Variants in RUSC2 observed in about 807,000 individuals in gnomAD.
The protein encoded by RUSC2 is RUN and SH3 domain containing 2.
In RUSC2, 34 loss-of-function variants were observed where a neutral mutation model predicts 122.2. That is an observed-to-expected ratio of 0.28 (90% CI 0.21 to 0.37). The LOEUF (loss-of-function observed/expected upper bound fraction) is 0.37, where lower values mean the gene tolerates loss of function less well. RUSC2 is among the 10% of genes least tolerant of loss of function. RUSC2 has a pLI of 1.00. For missense variants in RUSC2, 1,747 were observed against 1,952.4 expected (o/e 0.89, Z 1.98); for synonymous variants, 784 against 790.0 (o/e 0.99, Z 0.13).
rs922433418 is a variant in RUSC2 at position 35,547,657 on chromosome 9, T to G, written c.1136T>G (p.Leu379Arg). The G allele has an allele frequency of 6.2e-7, 1 of 1,614,054 alleles. No homozygotes were observed. The highest frequency in any genetic ancestry group is 8.5e-7 in the Non-Finnish European group (1 of 1,180,038). The change falls in exon 2 of 12, where the codon CTC becomes CGC. Residue 379 changes from leucine to arginine, a missense_variant. Coordinates refer to ENST00000361226, the MANE Select transcript of RUSC2 (RefSeq NM_014806.5). This position sits in a 1 kb window ranked among gnomAD's most constrained non-coding sequence, Gnocchi z 4.6. ...HCEPCPAVAD[L>R]TACFQSQARL... is the part of the protein sequence containing the mutation. ...GAGCCGTGCCCAGCAGTGGCTGACC[T>G]CACAGCCTGCTTCCAAAGCCAGGCC...
intron 1 of RUSC2, among the ~76,000 whole-genome samples, chr9:35,499,281 TCAAAAA>T (rs1343683116): frequency 5.3e-5 from 8 of 151,842 alleles, no homozygotes; most frequent in African/African-American, 1.2e-4. Context: ...AGTGAAACTC[TCAAAAA>T]CAAAAACAAA....
chr9:35,521,134 A>C (rs377543697), intron 1 of RUSC2, among the ~76,000 whole-genome samples: 4 of 152,160 alleles, frequency 2.6e-5, no homozygotes, highest in East Asian at 1.9e-4. Context: ...CATTTTTTTT[A>C]ACACACTGCA....
rs143012463 is a variant in RUSC2, at chr9:35,560,148, C to A, written c.3508C>A (p.Leu1170Ile). ...LQPLALLPFSLDLLFQHRLLQ... is the reference protein window; with the variant it reads ...LQPLALLPFSIDLLFQHRLLQ... ...GCCCCTGGCCCTGCTGCCCTTCAGC[C>A]TCGACTTGCTGTTCCAGCACCGGCT... The change falls in exon 10 of 12, where the codon CTC (leucine) becomes ATC (isoleucine). Residue 1170 changes from leucine to isoleucine, a missense_variant. Leu to Ile is a conservative substitution (Grantham distance 5). Transcript: ENST00000361226. 45 of 1,609,464 alleles carry A rather than the reference C, an allele frequency of 2.8e-5. No individual in the cohort carries two copies. The African/African-American group carries it at 5.9e-4, about 21-fold the overall frequency.
Position 35,560,744 on chromosome 9 carries a change from G to A in RUSC2, c.4104G>A (p.Ser1368=), listed in dbSNP as rs796830914. 20 of 1,540,140 alleles carry A rather than the reference G, an allele frequency of 1.3e-5. No homozygotes were observed. The highest frequency in any genetic ancestry group is 3.5e-4 in the Middle Eastern group (2 of 5,740). ...GGGAGAGGGAAGGGCCCGCTGCCTC[G>A]CCAGCAGAAAATGAGGAAGGGGCCT... The part of the protein sequence containing the change: ...RSREREGPAA[S]PAENEEGASE... The change falls in exon 10 of 12, where the codon TCG becomes TCA. Residue 1368 remains serine (S), a synonymous_variant. Transcript: ENST00000361226.
chr9:35,544,625 T>G (rs1469612507), intron 1 of RUSC2, among the ~76,000 whole-genome samples: 2 of 152,142 alleles, frequency 1.3e-5, no homozygotes, highest in Non-Finnish European at 2.9e-5. Context: ...TTTTTATTGT[T>G]GAGTTGTAAG....
At chr9:35,516,562 T>C (rs1233601990) in intron 1 of RUSC2, among the ~76,000 whole-genome samples, 3 of 152,188 alleles carry the variant, frequency 2.0e-5, no homozygotes, top group Non-Finnish European at 4.4e-5. Flanking sequence ...ATTCTATAGA[T>C]GGTTTTGAAG....
At chr9:35,531,166 C>A (rs1821411737) in intron 1 of RUSC2, among the ~76,000 whole-genome samples, 2 of 152,080 alleles carry the variant, frequency 1.3e-5, no homozygotes, top group Non-Finnish European at 2.9e-5. Flanking sequence ...GAGGCTGAGG[C>A]AGGAGAATGG....
rs1469620019 is a variant in RUSC2 at position 35,556,080 on chromosome 9, A to G, written c.2785A>G (p.Ile929Val). ...QEARLARRNP[I>V]FEFPGSLSAA... is the part of the protein sequence containing the mutation. ...AGCTCGGCTGGCCCGAAGAAACCCT[A>G]TCTTTGAGTTCCCTGGCTCCCTCAG... is the stretch of plus-strand genomic sequence containing the variant. The change falls in exon 4 of 12, where the codon ATC becomes GTC. Residue 929 changes from isoleucine (I) to valine (V), a missense_variant. Transcript: ENST00000361226. 1.2e-6 allele frequency: 2 copies of G among 1,614,132 alleles called. No individual in the cohort carries two copies. Among genetic ancestry groups the G allele is most frequent in the Admixed American group, 1.7e-5 (1 of 60,022 alleles).
chr9:35,555,392 A>T lies in RUSC2; in HGVS notation c.2347A>T (p.Ile783Phe), dbSNP rs1424286148. The T allele has an allele frequency of 1.2e-6, 2 of 1,614,116 alleles. No homozygotes were observed. Among genetic ancestry groups the T allele is most frequent in the Non-Finnish European group, 1.7e-6 (2 of 1,180,012 alleles). The part of the protein sequence containing the change: ...RPSPLGSYSP[I>F]RSVGPFGPST... ...ATCGCCCCTGGGCAGCTACTCCCCC[A>T]TCCGGAGTGTTGGCCCCTTTGGGCC... Residue 783 changes from isoleucine (I) to phenylalanine (F), a missense_variant, in exon 3 of 12, where the codon ATC becomes TTC. Coordinates refer to ENST00000361226, the MANE Select transcript of RUSC2 (RefSeq NM_014806.5). The surrounding 1 kb of genome is among the most constrained non-coding windows in gnomAD (Gnocchi z 4.6).
Position 35,547,440 on chromosome 9 carries a change from A to G in RUSC2, c.919A>G (p.Ser307Gly), listed in dbSNP as rs1180638455. 2 of 1,614,046 alleles carry G rather than the reference A, an allele frequency of 1.2e-6. No homozygotes were observed. The highest frequency in any genetic ancestry group is 1.7e-5 in the Admixed American group (1 of 60,008). Residue 307 changes from serine to glycine, a missense_variant, in exon 2 of 12, where the codon AGC (serine) becomes GGC (glycine). By Grantham distance (56) the Ser-to-Gly change is moderately conservative. Coordinates refer to ENST00000361226, the MANE Select transcript of RUSC2 (RefSeq NM_014806.5). This position sits in a 1 kb window ranked among gnomAD's most constrained non-coding sequence, Gnocchi z 4.6. ...ANLNSAPQSC[S>G]DSSFCSHSDP... ...TCTCAACTCTGCCCCACAGTCCTGC[A>G]GCGACTCTTCCTTCTGCAGCCACTC... is the stretch of plus-strand genomic sequence containing the variant.
intron 1 of RUSC2, among the ~76,000 whole-genome samples, chr9:35,502,847 TTTTG>T (rs1820841849): frequency 6.6e-6 from 1 of 152,020 alleles, no homozygotes; most frequent in African/African-American, 2.4e-5. Flanking sequence ...AGATAAGTTT[TTTTG>T]TTTTTGTTTT....
intron 1 of RUSC2, among the ~76,000 whole-genome samples, chr9:35,500,186 C>T (rs2132493097): frequency 8.0e-6 from 1 of 125,744 alleles, no homozygotes; most frequent in South Asian, 2.4e-4. Context: ...AAAGACATAC[C>T]CAAGACTGGG....
chr9:35,497,769 C>T (rs530775667), intron 1 of RUSC2, among the ~76,000 whole-genome samples: 26 of 152,300 alleles, frequency 1.7e-4, no homozygotes, highest in African/African-American at 6.3e-4. Context: ...AACATGAGAT[C>T]ATTGGGCATG....
chr9:35,560,804 C>A lies in RUSC2; in HGVS notation c.4164C>A (p.His1388Gln), dbSNP rs368436087. 3.7e-5 allele frequency: 56 copies of A among 1,529,182 alleles called. No individual in the cohort carries two copies. The highest frequency in any genetic ancestry group is 4.7e-5 in the Non-Finnish European group (54 of 1,141,170). 94.7% of individuals were successfully genotyped at this position (1,529,182 alleles called of 1,614,324 possible). A position where few individuals can be genotyped will look rare whatever the true frequency, so the allele number is the denominator to read the frequency against. Residue 1388 changes from histidine (H) to glutamine (Q), a missense_variant, in exon 10 of 12, where the codon CAC (histidine) becomes CAA (glutamine). His to Gln is a conservative substitution (Grantham distance 24). Transcript: ENST00000361226. Reference protein sequence around the residue: ...EPSPGGIKWGHLFGSRKAQRE... With the variant: ...EPSPGGIKWGQLFGSRKAQRE... ...CACCTGGAGGCATCAAGTGGGGACA[C>A]CTCTTTGGCTCCCGAAAAGCCCAGC... is the stretch of plus-strand genomic sequence containing the variant.
intron 1 of RUSC2, among the ~76,000 whole-genome samples, chr9:35,544,527 C>T (rs1303946503): frequency 7.2e-5 from 11 of 152,052 alleles, no homozygotes; most frequent in African/African-American, 2.7e-4. Flanking sequence ...AGGATGGTCT[C>T]TGTCTCCTGA....
Position 35,561,374 on chromosome 9 carries a change from C to A in RUSC2, c.4543C>A (p.Gln1515Lys). Residue 1515 changes from glutamine (Q) to lysine (K), a missense_variant, in exon 12 of 12, where the codon CAA (glutamine) becomes AAA (lysine). Physicochemically the swap from Gln to Lys is moderately conservative, Grantham distance 53 (BLOSUM62 1). Coordinates refer to ENST00000361226, the MANE Select transcript of RUSC2 (RefSeq NM_014806.5). ...PTPSPTPGSS[Q>K]N ...TCCAAGTCCAACCCCTGGAAGCAGC[C>A]AAAACTGAGGCCCTGTGCATGCTGG... 1 of 1,610,978 alleles carries A rather than the reference C, an allele frequency of 6.2e-7. No homozygotes were observed. Among genetic ancestry groups the A allele is most frequent in the Non-Finnish European group, 8.5e-7 (1 of 1,178,460 alleles).
At chr9:35,545,598 A>G (rs1821727485) in intron 1 of RUSC2, among the ~76,000 whole-genome samples, 1 of 152,230 alleles carries the variant, frequency 6.6e-6, no homozygotes, top group African/African-American at 2.4e-5. Flanking sequence ...GCATTTGGGC[A>G]CTTCAGGATG....
chr9:35,525,126 A>C (rs894524901), intron 1 of RUSC2, among the ~76,000 whole-genome samples: 3 of 152,036 alleles, frequency 2.0e-5, no homozygotes, highest in Non-Finnish European at 4.4e-5. Flanking sequence ...GTGTGGGGAA[A>C]CCCCCAGAGA....
At chr9:35,559,168 TCTCCTTATCTGG>T in intron 8 of RUSC2, 46 bp from the exon 9 acceptor site, 1 of 1,387,390 alleles carries the variant, frequency 7.2e-7, no homozygotes, top group South Asian at 1.2e-5. Context: ...CCTGGATCTG[TCTCCTTATCTGG>T]CTGTATTCAC....
Sources: allele counts gnomAD v4.1 joint callset (sites outside exome capture counted in the v4.1 genomes callset), GRCh38; gene constraint gnomAD v4.1.1; non-coding constraint Gnocchi (gnomAD v3.1); transcripts MANE v1.5; gene names NCBI Gene and HGNC (gene_info 2026-07-23, HGNC 2026-07-21).